Variants in RNF150 observed in about 807,000 individuals in gnomAD.
RNF150 encodes ring finger protein 150.
A neutral mutation model predicts 39.3 loss-of-function variants in RNF150; 24 were observed. The ratio of observed to expected loss-of-function variants is 0.61; its 90% CI spans 0.44 to 0.86. RNF150 has a LOEUF of 0.86. Among genes scored for constraint, RNF150 ranks in the 40% least tolerant of loss-of-function variants. RNF150 has a pLI of 0.00. For missense variants in RNF150, 502 were observed against 587.8 expected (o/e 0.85, Z 1.51); for synonymous variants, 255 against 227.3 (o/e 1.12, Z -1.10).
intron 1 of RNF150, among the ~76,000 whole-genome samples, chr4:140,969,827 T>C (rs1166103794): frequency 2.0e-5 from 3 of 146,508 alleles, no homozygotes; most frequent in Admixed American, 1.4e-4. Flanking sequence ...AGTGGCATGA[T>C]CTCGGCTCAC....
rs116782984 is a variant in RNF150, at chr4:140,911,350, T to C, written c.992A>G (p.Asn331Ser). 822 of 1,614,058 alleles carry C rather than the reference T, an allele frequency of 5.1e-4. 14 individuals carry two copies. In the East Asian group the frequency reaches 0.014, roughly 27 times the overall value. The stretch of plus-strand genomic sequence containing the variant: ...GGGCAAGTCGTCCATGCAGTCGGCA[T>C]TGGGCTGATGGGGCAGAAAAAGATC... ...NILKALGIPPNADCMDDLPTD... is the reference protein window; with the variant it reads ...NILKALGIPPSADCMDDLPTD... The change falls in exon 6 of 7, where the codon AAT (asparagine) becomes AGT (serine). Residue 331 changes from asparagine (N) to serine (S), a missense_variant. Asn to Ser is a conservative substitution (Grantham distance 46). Coordinates refer to ENST00000515673, the MANE Select transcript of RNF150 (RefSeq NM_020724.2).
At chr4:141,057,149 T>C (rs913338941) in intron 1 of RNF150, among the ~76,000 whole-genome samples, 6 of 152,124 alleles carry the variant, frequency 3.9e-5, no homozygotes, top group Admixed American at 1.3e-4. Context: ...ACCCCAATTT[T>C]AGCTTCTGAG....
chr4:141,160,550 C>T (rs1727493137), intron 1 of RNF150, among the ~76,000 whole-genome samples: 1 of 152,142 alleles, frequency 6.6e-6, no homozygotes, highest in Non-Finnish European at 1.5e-5. Context: ...TGGTTTGGAT[C>T]TCTATCCTTG....
intron 1 of RNF150, among the ~76,000 whole-genome samples, chr4:141,184,263 G>C (rs1301604388): frequency 6.6e-6 from 1 of 152,230 alleles, no homozygotes; most frequent in East Asian, 1.9e-4. Context: ...GACCAGTAAT[G>C]ATGAGCCTTT....
At chr4:141,156,033 T>A (rs1727391385) in intron 1 of RNF150, among the ~76,000 whole-genome samples, 1 of 149,788 alleles carries the variant, frequency 6.7e-6, no homozygotes, top group Non-Finnish European at 1.5e-5. Context: ...TTCCATCCCA[T>A]CATGGCTGGA....
At chr4:141,039,307 T>C (rs1736268580) in intron 1 of RNF150, among the ~76,000 whole-genome samples, 1 of 151,700 alleles carries the variant, frequency 6.6e-6, no homozygotes, top group Non-Finnish European at 1.5e-5. Flanking sequence ...CAATTTTCTT[T>C]AGCAGGAGAA....
chr4:141,116,045 G>A (rs1739539488), intron 1 of RNF150, among the ~76,000 whole-genome samples: 1 of 152,156 alleles, frequency 6.6e-6, no homozygotes, highest in Admixed American at 6.5e-5. Context: ...AACCCTAGAA[G>A]AAATCCTAGG....
intron 5 of RNF150, among the ~76,000 whole-genome samples, chr4:140,914,058 AT>A (rs1730720483): frequency 1.3e-5 from 2 of 152,076 alleles, no homozygotes; most frequent in African/African-American, 4.8e-5. Context: ...TAATGGACAT[AT>A]TTTTCAAAAT....
At chr4:140,891,031 G>A (rs1863305) in intron 6 of RNF150, among the ~76,000 whole-genome samples, 42,085 of 152,044 alleles carry the variant, frequency 0.28, 5,967 homozygotes, top group Middle Eastern at 0.38. Flanking sequence ...TAACTATAAT[G>A]ATAGCTAGTC....
At chr4:141,188,093 C>T (rs182350441) in intron 1 of RNF150, among the ~76,000 whole-genome samples, 138 of 152,268 alleles carry the variant, frequency 9.1e-4, no homozygotes, top group African/African-American at 3.2e-3. Flanking sequence ...TTGTGTTTCT[C>T]TTTTGCTTAT....
chr4:141,040,792 C>T (rs1736328156), intron 1 of RNF150, among the ~76,000 whole-genome samples: 1 of 152,068 alleles, frequency 6.6e-6, no homozygotes, highest in African/African-American at 2.4e-5. Flanking sequence ...CAAGTATGGT[C>T]AGTAGGTGGA....
At chr4:140,967,501 AAC>A (rs1395113519) in intron 2 of RNF150, 120 bp downstream of exon 2, 2 of 688,352 alleles carry the variant, frequency 2.9e-6, no homozygotes, top group Non-Finnish European at 4.8e-6. Flanking sequence ...AGCAAATGTT[AAC>A]AGTGTTTATC....
intron 1 of RNF150, among the ~76,000 whole-genome samples, chr4:141,105,171 G>A (rs904450680): frequency 6.6e-6 from 1 of 152,162 alleles, no homozygotes; most frequent in Non-Finnish European, 1.5e-5. Flanking sequence ...CCAAATGTAT[G>A]CCTGTATATA....
chr4:141,155,389 C>T (rs1165764087), intron 1 of RNF150, among the ~76,000 whole-genome samples: 3 of 151,868 alleles, frequency 2.0e-5, no homozygotes, highest in South Asian at 2.1e-4. Context: ...TGAGCCACTA[C>T]GACCGGCCGA....
chr4:141,171,964 T>C (rs1174483181), intron 1 of RNF150, among the ~76,000 whole-genome samples: 2 of 152,214 alleles, frequency 1.3e-5, no homozygotes, highest in African/African-American at 4.8e-5. Context: ...AAAATACTTA[T>C]ACTTTTATAT....
chr4:140,911,404 G>T (rs773826318), intron 5 of RNF150, 50 bp from the exon 6 acceptor site: 2 of 1,486,834 alleles, frequency 1.3e-6, no homozygotes, highest in African/African-American at 1.4e-5. Flanking sequence ...TCCACTTAGA[G>T]ATTAAATGTC....
At chr4:140,887,411 T>A (rs1729617662) in intron 6 of RNF150, among the ~76,000 whole-genome samples, 1 of 152,242 alleles carries the variant, frequency 6.6e-6, no homozygotes, top group Non-Finnish European at 1.5e-5. Context: ...ATTTAATATA[T>A]TTACTGAGAA....
At chr4:141,047,999 C>T (rs1736642485) in intron 1 of RNF150, among the ~76,000 whole-genome samples, 1 of 152,116 alleles carries the variant, frequency 6.6e-6, no homozygotes, top group African/African-American at 2.4e-5. Context: ...AGAAACACGT[C>T]TGTGAGTGTG....
At chr4:141,000,608 A>T (rs1156602424) in intron 1 of RNF150, among the ~76,000 whole-genome samples, 1 of 152,256 alleles carries the variant, frequency 6.6e-6, no homozygotes, top group East Asian at 1.9e-4. Context: ...AGGAATGTTG[A>T]GAAGGATATA....
Sources: gnomAD v4.1 joint callset for allele counts (sites outside exome capture counted in the v4.1 genomes callset) on GRCh38, gnomAD v4.1.1 for gene constraint, MANE v1.5 for transcripts, NCBI Gene and HGNC (gene_info 2026-07-23, HGNC 2026-07-21) for gene names.